Variants in ANK2 observed in about 807,000 individuals in gnomAD.
ANK2 encodes ankyrin 2, also known as ankyrin-2.
Under a neutral mutation model 360.5 loss-of-function variants are expected in ANK2, and 83 were observed. The observed-to-expected ratio is 0.23, with a 90% CI of 0.19 to 0.28. The LOEUF is 0.28. Among genes scored for constraint, ANK2 ranks in the 10% least tolerant of loss-of-function variants. The probability of loss-of-function intolerance (pLI) is 1.00; values close to 1 mark genes in which losing one functional copy is unlikely to be tolerated. For missense variants in ANK2, 4,201 were observed against 4,795.7 expected, an observed-to-expected ratio of 0.88 and a Z score of 3.66; for synonymous variants, 1,740 against 1,759.5, an observed-to-expected ratio of 0.99 and a Z score of 0.28.
Position 113,336,584 on chromosome 4 carries a change from C to G in ANK2, c.3599C>G (p.Pro1200Arg), listed in dbSNP as rs1297081607. The G allele has an allele frequency of 2.5e-6, 4 of 1,613,752 alleles. No individual in the cohort carries two copies. In the Admixed American group the frequency reaches 6.7e-5, roughly 27 times the overall value. Reference protein sequence around the residue: ...KRIRVGLQAQPMHSELVKKIL... With the variant: ...KRIRVGLQAQRMHSELVKKIL... ...TGTTTTTACTTTGAAAAGGCTCAAC[C>G]TATGCACAGTGAGCTGGTTAAGAAG... The change falls in exon 31 of 46, where the codon CCT becomes CGT. Residue 1200 changes from proline to arginine, a missense_variant. By Grantham distance (103) the Pro-to-Arg change is moderately radical (BLOSUM62 -2). Coordinates refer to ENST00000357077, the MANE Select transcript of ANK2 (RefSeq NM_001148.6).
the ANK2 span, among the ~76,000 whole-genome samples, chr4:112,707,417 G>C: frequency 6.6e-6 from 1 of 152,190 alleles, no homozygotes; most frequent in South Asian, 2.1e-4. Flanking sequence ...CTGCGTCCCA[G>C]AGAAATTGTT....
chr4:113,125,018 A>C (rs1012854697), intron 1 of ANK2, among the ~76,000 whole-genome samples: 1 of 152,158 alleles, frequency 6.6e-6, no homozygotes, highest in East Asian at 1.9e-4. Flanking sequence ...ATCTTAATCT[A>C]ATCAATTTAT....
chr4:113,159,640 G>A (rs1419115967), intron 1 of ANK2, among the ~76,000 whole-genome samples: 3 of 150,806 alleles, frequency 2.0e-5, no homozygotes, highest in South Asian at 4.2e-4. Context: ...ATGGAGTCTC[G>A]CTCTGTCACC....
chr4:112,779,392 G>A, the ANK2 span, among the ~76,000 whole-genome samples: 2 of 152,068 alleles, frequency 1.3e-5, no homozygotes, highest in African/African-American at 2.4e-5. Flanking sequence ...GGTGATGGGC[G>A]CCTGTAGTCC....
intron 9 of ANK2, among the ~76,000 whole-genome samples, chr4:113,245,686 T>C (rs2042473068): frequency 6.6e-6 from 1 of 152,130 alleles, no homozygotes; most frequent in Non-Finnish European, 1.5e-5. Context: ...TTACGGGAAA[T>C]AGAATTCAAG....
intron 41 of ANK2, 108 bp from the exon 42 acceptor site, chr4:113,367,458 A>G (rs924743141): frequency 5.3e-5 from 55 of 1,033,174 alleles, no homozygotes; most frequent in Middle Eastern, 3.0e-4. Context: ...CTCAGGATGT[A>G]GCACATTTAT....
At chr4:112,862,368 G>A (rs2068401250) in intron 1 of ANK2, among the ~76,000 whole-genome samples, 1 of 152,132 alleles carries the variant, frequency 6.6e-6, no homozygotes, top group Non-Finnish European at 1.5e-5. Context: ...TTTGTCCCAC[G>A]AGAACAGTTC....
At chr4:113,129,845 A>T (rs1264328079) in intron 1 of ANK2, among the ~76,000 whole-genome samples, 2 of 152,224 alleles carry the variant, frequency 1.3e-5, no homozygotes, top group Non-Finnish European at 2.9e-5. Context: ...TTTTGAGGTA[A>T]TGAGTGGAAG....
rs57458653 is a variant in ANK2, at chr4:113,116,603, T to C, written c.85-57813T>C. ...GTCGATTCTTTACTTTAAATGAACC[T>C]TGGAGAAGGAAAGGGCTGTGAGATG... On this transcript the variant is annotated intron_variant, in intron 1 of 45. Transcript: ENST00000357077. Among the ~76,000 whole-genome samples, 494 of 152,260 alleles carry C rather than the reference T, an allele frequency of 3.2e-3. 7 individuals are homozygous for C. Among genetic ancestry groups the C allele is most frequent in the African/African-American group, 0.011 (474 of 41,558 alleles).
At chr4:112,742,252 G>A in the ANK2 span, among the ~76,000 whole-genome samples, 21 of 152,202 alleles carry the variant, frequency 1.4e-4, no homozygotes, top group Non-Finnish European at 2.1e-4. Context: ...GGGCGACAGA[G>A]CGAGACTCTG....
rs1038574680 is a variant in ANK2 at position 113,372,941 on chromosome 4, T to C, written c.11611-149T>C. ...AAGCATGTTATTACCCACTTGAGTT[T>C]TTCACTAGTTGACAGGATTTTGTAT... On this transcript the variant is annotated intron_variant, in intron 43 of 45. Coordinates refer to ENST00000357077, the MANE Select transcript of ANK2 (RefSeq NM_001148.6). 199 of 816,610 alleles carry C rather than the reference T, an allele frequency of 2.4e-4. No individual in the cohort carries two copies. In the African/African-American group the frequency reaches 3.0e-3, roughly 12 times the overall value. 50.6% of individuals were successfully genotyped at this position (816,610 alleles called of 1,614,324 possible). A position where few individuals can be genotyped will look rare whatever the true frequency, so the allele number is the denominator to read the frequency against.
intron 2 of ANK2, among the ~76,000 whole-genome samples, chr4:113,194,319 T>A (rs972719862): frequency 6.6e-6 from 1 of 152,204 alleles, no homozygotes; most frequent in Non-Finnish European, 1.5e-5. Flanking sequence ...CCTCTGTGGT[T>A]TTTCTGTATA....
At chr4:112,947,189 C>T (rs2094597440) in intron 2 of ANK2, among the ~76,000 whole-genome samples, 1 of 152,148 alleles carries the variant, frequency 6.6e-6, no homozygotes, top group Non-Finnish European at 1.5e-5. Context: ...TTATGCCCTT[C>T]AATGAATAGC....
Position 113,353,816 on chromosome 4 carries a change from C to A in ANK2, c.5198C>A (p.Ser1733Ter). 1 of 1,614,010 alleles carries A rather than the reference C, an allele frequency of 6.2e-7. No individual in the cohort carries two copies. Among genetic ancestry groups the A allele is most frequent in the South Asian group, 1.1e-5 (1 of 91,054 alleles). Residue 1733 changes from serine (S) to a stop codon, truncating the protein, a stop_gained, in exon 38 of 46, where the codon TCA (serine) becomes TAA (stop). Transcript: ENST00000357077. LOFTEE classifies it high-confidence loss of function. ...AEKAELKKGS[S>*]EESLGEDPGL... ...AAAGCTGAACTTAAAAAAGGTAGTT[C>A]AGAAGAGTCATTAGGTGAAGACCCA...
At chr4:112,809,139 G>A in the ANK2 span, among the ~76,000 whole-genome samples, 4 of 151,738 alleles carry the variant, frequency 2.6e-5, no homozygotes, top group African/African-American at 7.3e-5. Flanking sequence ...GATTACAGGC[G>A]TGAGCCACTG....
chr4:112,899,899 A>G (rs893376169), intron 1 of ANK2, among the ~76,000 whole-genome samples: 6 of 152,120 alleles, frequency 3.9e-5, no homozygotes, highest in African/African-American at 1.4e-4. Flanking sequence ...CTCAAAAACC[A>G]CAGGCTGAAT....
At chr4:112,958,559 G>T (rs183061131) in intron 2 of ANK2, among the ~76,000 whole-genome samples, 1 of 152,156 alleles carries the variant, frequency 6.6e-6, no homozygotes, top group African/African-American at 2.4e-5. Context: ...GTCCAGCTTC[G>T]GCTCGGCATC....
At chr4:112,712,387 CATATATATAT>C in the ANK2 span, among the ~76,000 whole-genome samples, 1 of 115,424 alleles carries the variant, frequency 8.7e-6, no homozygotes, top group East Asian at 2.5e-4. Flanking sequence ...GCCAAGATGT[CATATATATAT>C]ATATATATAT....
chr4:113,196,090 C>T (rs2098742907), intron 2 of ANK2, among the ~76,000 whole-genome samples: 1 of 152,134 alleles, frequency 6.6e-6, no homozygotes, highest in Non-Finnish European at 1.5e-5. Flanking sequence ...CTCTTTAAGT[C>T]ATTTAAAAAA....
Sources: allele counts gnomAD v4.1 joint callset (sites outside exome capture counted in the v4.1 genomes callset), GRCh38; gene constraint gnomAD v4.1.1; transcripts MANE v1.5; gene names NCBI Gene and HGNC (gene_info 2026-07-23, HGNC 2026-07-21).